Variants in SAMD3 observed in about 807,000 individuals in gnomAD.
The protein encoded by SAMD3 is sterile alpha motif domain containing 3.
Under a neutral mutation model 58.5 loss-of-function variants are expected in SAMD3, and 63 were observed. The ratio of observed to expected loss-of-function variants is 1.08; its 90% CI spans 0.88 to 1.33. The LOEUF (loss-of-function observed/expected upper bound fraction) is 1.33, where lower values mean the gene tolerates loss of function less well. Ranked by LOEUF, SAMD3 falls within the 40% of genes most tolerant of loss-of-function variation. The pLI is 0.00. For synonymous variants in SAMD3, 220 were observed against 210.3 expected (o/e 1.05, Z -0.40); for missense variants, 604 against 608.4 (o/e 0.99, Z 0.08).
intron 4 of SAMD3, among the ~76,000 whole-genome samples, chr6:130,212,995 G>T (rs1795696033): frequency 6.6e-6 from 1 of 152,134 alleles, no homozygotes; most frequent in Admixed American, 6.5e-5. Flanking sequence ...AAATAAATTG[G>T]TTAGGGGCCG....
At chr6:130,204,659 C>A (rs561729503) in intron 5 of SAMD3, among the ~76,000 whole-genome samples, 4 of 151,652 alleles carry the variant, frequency 2.6e-5, no homozygotes, top group African/African-American at 9.7e-5. Flanking sequence ...TGTGCCACAG[C>A]ACTCTAGTGT....
At chr6:130,156,006 T>C (rs917361011) in intron 8 of SAMD3, among the ~76,000 whole-genome samples, 17 of 152,268 alleles carry the variant, frequency 1.1e-4, no homozygotes, top group Admixed American at 2.0e-4. Flanking sequence ...ACTTAACTTT[T>C]GAAACAGAGT....
At chr6:130,349,406 A>C (rs1483690131) in intron 1 of SAMD3, among the ~76,000 whole-genome samples, 2 of 152,220 alleles carry the variant, frequency 1.3e-5, no homozygotes, top group East Asian at 3.8e-4. Flanking sequence ...TATCACCACC[A>C]ATCCACAGAA....
intron 1 of SAMD3, among the ~76,000 whole-genome samples, chr6:130,352,831 C>T (rs2115037786): frequency 6.6e-6 from 1 of 152,240 alleles, no homozygotes; most frequent in South Asian, 2.1e-4. Context: ...ATTCTCAGAG[C>T]TCTTATATTA....
intron 1 of SAMD3, among the ~76,000 whole-genome samples, chr6:130,343,829 G>T (rs541062741): frequency 6.6e-6 from 1 of 152,022 alleles, no homozygotes; most frequent in Admixed American, 6.6e-5. Flanking sequence ...ACCGGGCATG[G>T]TGGTGGGTGC....
chr6:130,232,778 T>C (rs1210373707), intron 2 of SAMD3, among the ~76,000 whole-genome samples: 1 of 152,228 alleles, frequency 6.6e-6, no homozygotes, highest in African/African-American at 2.4e-5. Context: ...CATTTATTGC[T>C]CCTTTATTAT....
intron 2 of SAMD3, among the ~76,000 whole-genome samples, chr6:130,304,644 C>T (rs570908458): frequency 2.0e-5 from 3 of 152,170 alleles, no homozygotes; most frequent in Admixed American, 6.5e-5. Context: ...AGTTTTGGCT[C>T]TTTTCCGGAC....
intron 1 of SAMD3, among the ~76,000 whole-genome samples, chr6:130,220,702 G>T (rs943171629): frequency 2.6e-5 from 4 of 152,052 alleles, no homozygotes; most frequent in Admixed American, 2.6e-4. Context: ...AGAATAAATA[G>T]GTAAAAAGAA....
At chr6:130,341,104 T>G (rs980743413) in intron 1 of SAMD3, among the ~76,000 whole-genome samples, 1 of 152,046 alleles carries the variant, frequency 6.6e-6, no homozygotes, top group Non-Finnish European at 1.5e-5. Context: ...TGTTACTGTT[T>G]GTGTATTGTT....
At chr6:130,171,759 T>C (rs1791268319) in intron 8 of SAMD3, among the ~76,000 whole-genome samples, 1 of 152,208 alleles carries the variant, frequency 6.6e-6, no homozygotes, top group Non-Finnish European at 1.5e-5. Flanking sequence ...GTCCTGAATA[T>C]CCTTGTTAAT....
intron 9 of SAMD3, among the ~76,000 whole-genome samples, chr6:130,152,111 AC>A (rs2114571452): frequency 6.6e-6 from 1 of 151,680 alleles, no homozygotes; most frequent in East Asian, 1.9e-4. Flanking sequence ...ACCACCGCCC[AC>A]CCCGGCTGCT....
At chr6:130,333,684 G>T (rs558517352) in intron 1 of SAMD3, among the ~76,000 whole-genome samples, 85 of 152,292 alleles carry the variant, frequency 5.6e-4, no homozygotes, top group African/African-American at 1.9e-3. Context: ...ATAAGCTCTT[G>T]TACTGTCCGA....
Position 130,331,117 on chromosome 6 carries a change from AAGT to A in SAMD3, c.-303-18027_-303-18025del, listed in dbSNP as rs574186481. Among the ~76,000 whole-genome samples, 7 of 152,316 alleles carry A rather than the reference AAGT, an allele frequency of 4.6e-5. No homozygotes were observed. In the South Asian group the frequency reaches 1.5e-3, roughly 32 times the overall value. On this transcript the variant is annotated intron_variant, in intron 1 of 13. Coordinates refer to the SAMD3 transcript ENST00000368134. ...TAGAGTACTAATATATGAGCAGAAA[AAGT>A]AGAATTTGCATGAAGCTCCCAAACA...
intron 1 of SAMD3, among the ~76,000 whole-genome samples, chr6:130,330,000 A>G (rs1389912711): frequency 6.6e-6 from 1 of 152,128 alleles, no homozygotes; most frequent in East Asian, 1.9e-4. Flanking sequence ...GGGTGATAGG[A>G]GCAGCAAACC....
chr6:130,345,747 G>A (rs1168529082), intron 1 of SAMD3, among the ~76,000 whole-genome samples: 1 of 152,178 alleles, frequency 6.6e-6, no homozygotes, highest in African/African-American at 2.4e-5. Context: ...TTTGTCAGTT[G>A]TCCTCAAGTG....
At chr6:130,211,036 C>T (rs563726771) in intron 4 of SAMD3, among the ~76,000 whole-genome samples, 3 of 151,230 alleles carry the variant, frequency 2.0e-5, no homozygotes, top group Non-Finnish European at 4.4e-5. Context: ...AGGAGAATTG[C>T]TTGAACCTGG....
chr6:130,259,056 A>G (rs933667607), intron 2 of SAMD3, among the ~76,000 whole-genome samples: 1 of 152,126 alleles, frequency 6.6e-6, no homozygotes, highest in African/African-American at 2.4e-5. Flanking sequence ...TAGCCCATAC[A>G]GGTTGGTTAT....
chr6:130,250,799 C>T (rs1303501338), intron 2 of SAMD3, among the ~76,000 whole-genome samples: 2 of 152,150 alleles, frequency 1.3e-5, no homozygotes, highest in Non-Finnish European at 2.9e-5. Context: ...ACATAATATT[C>T]CATCGTATTA....
chr6:130,162,152 C>G, intron 8 of SAMD3: 1 of 651,774 alleles, frequency 1.5e-6, no homozygotes, highest in Admixed American at 2.5e-5. Context: ...CTTCCTTTAC[C>G]ACACCAGTTT....
Sources: allele counts gnomAD v4.1 joint callset (sites outside exome capture counted in the v4.1 genomes callset), GRCh38; gene constraint gnomAD v4.1.1; transcripts MANE v1.5; gene names NCBI Gene and HGNC (gene_info 2026-07-23, HGNC 2026-07-21).